Variants in CD82 observed in about 807,000 individuals in gnomAD.
The protein encoded by CD82 is CD82 antigen.
CD82 carries 36 observed loss-of-function variants against 37.4 expected under a neutral mutation model. That is an observed-to-expected ratio of 0.96 (90% CI 0.74 to 1.27). The LOEUF is 1.27. CD82 is among the 50% of genes most tolerant of loss of function. The pLI, the probability that CD82 is intolerant of heterozygous loss-of-function variation, is 0.00. For missense variants in CD82, 340 were observed against 347.0 expected, an observed-to-expected ratio of 0.98 and a Z score of 0.16; for synonymous variants, 158 against 137.4, an observed-to-expected ratio of 1.15 and a Z score of -1.05.
chr11:44,565,568 G>GGGGGCGTGTCTTCTGGGGGC (rs1852719519), upstream of CD82: 1 of 144,862 alleles, frequency 6.9e-6, no homozygotes, highest in Non-Finnish European at 1.5e-5. Context: ...GGCCGGCGGA[G>GGGGGCGTGTCTTCTGGGGGC]GGGGCGTGTC....
chr11:44,614,272 G>T lies in CD82; in HGVS notation c.337-1000G>T, dbSNP rs11038080. On this transcript the variant is annotated intron_variant, in intron 6 of 9. Transcript: ENST00000227155. Reference sequence around the variant, plus strand: ...AGGCATCTACCCTGCTGTCTTGGGGGCCCTGTTTGGAGAGGCTGCACTCTG... The same window carrying T: ...AGGCATCTACCCTGCTGTCTTGGGGTCCCTGTTTGGAGAGGCTGCACTCTG... Among the ~76,000 whole-genome samples the T allele has an allele frequency of 9.0e-4, 137 of 152,338 alleles. 1 individual carries two copies. Among genetic ancestry groups the T allele is most frequent in the African/African-American group, 3.3e-3 (137 of 41,574 alleles).
chr11:44,571,628 G>A (rs565312230), intron 1 of CD82, among the ~76,000 whole-genome samples: 9 of 152,002 alleles, frequency 5.9e-5, no homozygotes, highest in Non-Finnish European at 1.0e-4. Flanking sequence ...AGGCTGGAGT[G>A]CAGTGGTGCA....
Position 44,605,149 on chromosome 11 carries a change from C to T in CD82, c.228C>T (p.Gly76=), listed in dbSNP as rs1853372496. The T allele has an allele frequency of 6.8e-6, 11 of 1,614,150 alleles. No homozygotes were observed. The highest frequency in any genetic ancestry group is 9.3e-6 in the Non-Finnish European group (11 of 1,180,022). Residue 76 remains glycine (G), a synonymous_variant, in exon 5 of 10, where the codon GGC becomes GGT. Coordinates refer to ENST00000227155, the MANE Select transcript of CD82 (RefSeq NM_002231.4). The part of the protein sequence containing the change: ...TMLMGFLGCI[G]AVNEVRCLLG... Reference sequence around the variant, plus strand: ...TCATGGGCTTCCTGGGCTGCATCGGCGCCGTCAACGAGGTCCGCTGCCTGC... The same window carrying T: ...TCATGGGCTTCCTGGGCTGCATCGGTGCCGTCAACGAGGTCCGCTGCCTGC...
chr11:44,570,808 A>G (rs935749625), intron 1 of CD82, among the ~76,000 whole-genome samples: 1 of 152,364 alleles, frequency 6.6e-6, no homozygotes, highest in Middle Eastern at 3.4e-3. Flanking sequence ...ACTCTGACTC[A>G]GCCAGAAAGA....
intron 2 of CD82, among the ~76,000 whole-genome samples, chr11:44,590,170 A>G (rs1265735746): frequency 6.6e-6 from 1 of 152,044 alleles, no homozygotes. Flanking sequence ...TGGGTGCGCC[A>G]TTTGATCCTC....
intron 1 of CD82, among the ~76,000 whole-genome samples, chr11:44,577,314 G>A (rs1852907441): frequency 6.6e-6 from 1 of 151,652 alleles, no homozygotes; most frequent in African/African-American, 2.4e-5. Flanking sequence ...CCTGGGCCCT[G>A]CAGTTTCACC....
Position 44,597,483 on chromosome 11 carries a change from C to A in CD82, c.64-2675C>A, listed in dbSNP as rs1315686595. On this transcript the variant is annotated intron_variant, in intron 3 of 9. Coordinates refer to ENST00000227155, the MANE Select transcript of CD82 (RefSeq NM_002231.4). The surrounding 1 kb of genome is among the most constrained non-coding windows in gnomAD (Gnocchi z 4.1). ...CCCAGCCTCCTTTCTGGCTCTGCCA[C>A]AGCCCCGTGGCTAATCCAGCCACAT... 6.6e-6 allele frequency among the ~76,000 whole-genome samples: 1 copy of A among 152,228 alleles called. No individual in the cohort carries two copies. The highest frequency in any genetic ancestry group is 2.4e-5 in the African/African-American group (1 of 41,454).
rs555427752 is a variant in CD82 at position 44,616,358 on chromosome 11, C to T, written c.438+985C>T. Among the ~76,000 whole-genome samples the T allele has an allele frequency of 7.2e-5, 11 of 152,036 alleles. No homozygotes were observed. In the South Asian group the frequency reaches 8.3e-4, roughly 11 times the overall value. On this transcript the variant is annotated intron_variant, in intron 7 of 9. Transcript: ENST00000227155. ...GGTGCACACAAGGAAATGTTTTGGT[C>T]GCATATGTAGTTTGACCCACAATTG... is the stretch of plus-strand genomic sequence containing the variant.
chr11:44,614,569 T>G (rs1450335733), intron 6 of CD82, among the ~76,000 whole-genome samples: 1 of 152,102 alleles, frequency 6.6e-6, no homozygotes, highest in African/African-American at 2.4e-5. Flanking sequence ...TGGAGAGAGA[T>G]GATAAGCCCT....
At chr11:44,583,308 G>C (rs867167006) in intron 1 of CD82, among the ~76,000 whole-genome samples, 2 of 152,252 alleles carry the variant, frequency 1.3e-5, no homozygotes, top group South Asian at 4.1e-4. Flanking sequence ...GTATCTGCTG[G>C]TTCCCACTCT....
Position 44,575,569 on chromosome 11 carries a change from C to T in CD82, c.-103+9833C>T, listed in dbSNP as rs367824317. 3.3e-5 allele frequency among the ~76,000 whole-genome samples: 5 copies of T among 152,342 alleles called. No individual in the cohort carries two copies. In the South Asian group the frequency reaches 6.2e-4, roughly 19 times the overall value. ...TGCCTGAGAATGTGCATTGCTAACA[C>T]GTTCCCAGGGGACGCTGCATCTGCT... On this transcript the variant is annotated intron_variant, in intron 1 of 9. Transcript: ENST00000227155.
At chr11:44,602,644 C>T (rs951157661) in intron 4 of CD82, among the ~76,000 whole-genome samples, 6 of 151,968 alleles carry the variant, frequency 3.9e-5, no homozygotes, top group African/African-American at 7.3e-5. Context: ...TCCTTTGGTC[C>T]CTTCTAGGCC....
At chr11:44,578,050 C>T (rs1361660098) in intron 1 of CD82, among the ~76,000 whole-genome samples, 3 of 152,224 alleles carry the variant, frequency 2.0e-5, no homozygotes, top group Non-Finnish European at 4.4e-5. Flanking sequence ...TACTCTGTCT[C>T]CTGTGTTCTC....
At chr11:44,616,228 G>GCATGGA (rs1853562358) in intron 7 of CD82, among the ~76,000 whole-genome samples, 21 of 152,136 alleles carry the variant, frequency 1.4e-4, no homozygotes, top group Admixed American at 1.4e-3. Context: ...ACTCCATCTA[G>GCATGGA]GTGACATGGA....
intron 1 of CD82, among the ~76,000 whole-genome samples, chr11:44,569,947 T>G (rs1443160801): frequency 6.6e-6 from 1 of 152,196 alleles, no homozygotes; most frequent in Non-Finnish European, 1.5e-5. Flanking sequence ...AAATGCTTAG[T>G]ATTGTTATAC....
chr11:44,600,017 ATCTCTGGGCTGGAGAAGGGT>A (rs1590341806), intron 3 of CD82, 121 bp from the exon 4 acceptor site: 13 of 733,600 alleles, frequency 1.8e-5, no homozygotes, highest in African/African-American at 3.5e-5. Context: ...CCATCTGGAC[ATCTCTGGGCTGGAGAAGGGT>A]GGATGTGGTG....
At position 44,619,297 on chromosome 11, in the gene CD82, G is replaced by A. The variant is rs996143412; in HGVS notation, c.*171G>A. 4.8e-5 allele frequency: 29 copies of A among 598,094 alleles called. No homozygotes were observed. Among genetic ancestry groups the A allele is most frequent in the East Asian group, 2.3e-4 (8 of 35,358 alleles). The allele number at this position is 598,094 out of a possible 1,614,324, so 37.0% of individuals were successfully genotyped here. A position where few individuals can be genotyped will look rare whatever the true frequency, so the allele number is the denominator to read the frequency against. On this transcript the variant is annotated 3_prime_UTR_variant, in exon 10 of 10. Coordinates refer to ENST00000227155, the MANE Select transcript of CD82 (RefSeq NM_002231.4). ...CCTAGCGATCTCTCCTGGCCTATCC[G>A]CTGCCAGCCTTGAGCCCTGGCTGTT...
chr11:44,598,400 ATTTTTTTTTTTTTTTTT>A (rs71038809), intron 3 of CD82, among the ~76,000 whole-genome samples: 1 of 58,880 alleles, frequency 1.7e-5, no homozygotes, highest in East Asian at 5.9e-4. Context: ...TTTGGCCTTA[ATTTTTTTTTTTTTTTTT>A]TTTTTTTTTT....
At chr11:44,604,840 G>C in intron 4 of CD82, 1 of 607,502 alleles carries the variant, frequency 1.6e-6, no homozygotes, top group Admixed American at 2.8e-5. Context: ...AGGGGCTTAG[G>C]CTGGATGAGG....
Sources: allele counts gnomAD v4.1 joint callset (sites outside exome capture counted in the v4.1 genomes callset), GRCh38; gene constraint gnomAD v4.1.1; non-coding constraint Gnocchi (gnomAD v3.1); transcripts MANE v1.5; gene names NCBI Gene and HGNC (gene_info 2026-07-23, HGNC 2026-07-21).